Variants in SYT11 observed in about 807,000 individuals in gnomAD.
SYT11 encodes the protein synaptotagmin 11.
SYT11 carries 12 observed loss-of-function variants against 30.4 expected under a neutral mutation model. That is an observed-to-expected ratio of 0.39 (90% CI 0.25 to 0.64). The LOEUF is 0.64. SYT11 is among the 30% of genes least tolerant of loss of function. SYT11 has a pLI of 0.45. For missense variants in SYT11, 412 were observed against 552.0 expected (o/e 0.75, Z 2.54); for synonymous variants, 204 against 216.0 (o/e 0.94, Z 0.49).
In SYT11 at chr1:155,868,317, G is replaced by A. The variant is rs1483184265; in HGVS notation, c.387G>A (p.Gly129=). 1 of 1,614,038 alleles carries A rather than the reference G, an allele frequency of 6.2e-7. No homozygotes were observed. The highest frequency in any genetic ancestry group is 1.7e-5 in the Admixed American group (1 of 60,012). The part of the protein sequence containing the change: ...IDQLPIKMDY[G]EELRSPITSL... ...AATTACCCATCAAAATGGACTATGG[G>A]GAAGAACTAAGGAGCCCTATTACAA... Residue 129 remains glycine (G), a synonymous_variant, in exon 2 of 4, where the codon GGG becomes GGA. Coordinates refer to ENST00000368324, the MANE Select transcript of SYT11 (RefSeq NM_152280.5). This position sits in a 1 kb window ranked among gnomAD's most constrained non-coding sequence, Gnocchi z 4.7.
chr1:155,878,637 G>GTA (rs1672908430), intron 2 of SYT11, among the ~76,000 whole-genome samples: 1 of 151,222 alleles, frequency 6.6e-6, no homozygotes, highest in African/African-American at 2.4e-5. Context: ...AGGCCGAGAC[G>GTA]GGCGGATCAT....
At chr1:155,876,331 C>T (rs908126160) in intron 2 of SYT11, among the ~76,000 whole-genome samples, 1 of 147,396 alleles carries the variant, frequency 6.8e-6, no homozygotes, top group African/African-American at 2.5e-5. Context: ...ATGCAAGCTC[C>T]GCCTCCCAGG....
Position 155,868,329 on chromosome 1 carries a change from G to C in SYT11, c.399G>C (p.Arg133Ser). Residue 133 changes from arginine to serine, a missense_variant, in exon 2 of 4, where the codon AGG becomes AGC. Arg to Ser is a moderately radical substitution (Grantham distance 110, BLOSUM62 -1). Transcript: ENST00000368324. The surrounding 1 kb of genome is among the most constrained non-coding windows in gnomAD (Gnocchi z 4.7). ...PIKMDYGEEL[R>S]SPITSLTPGE... ...AAATGGACTATGGGGAAGAACTAAG[G>C]AGCCCTATTACAAGCCTGACCCCTG... The C allele has an allele frequency of 6.2e-7, 1 of 1,613,956 alleles. No individual in the cohort carries two copies. Among genetic ancestry groups the C allele is most frequent in the Non-Finnish European group, 8.5e-7 (1 of 1,179,958 alleles).
Position 155,866,390 on chromosome 1 carries a change from A to G in SYT11, c.35-1575A>G, listed in dbSNP as rs565129212. ...CCTCAGCCTCCCAAAGTGCTGGGATAACAGGCGTGAGCCGCCACACCCGGC... is the reference window on the plus strand; with the variant it reads ...CCTCAGCCTCCCAAAGTGCTGGGATGACAGGCGTGAGCCGCCACACCCGGC... On this transcript the variant is annotated intron_variant, in intron 1 of 3. Transcript: ENST00000368324. 1.2e-4 allele frequency among the ~76,000 whole-genome samples: 18 copies of G among 152,222 alleles called. No individual in the cohort carries two copies. The South Asian group carries it at 3.7e-3, about 32-fold the overall frequency.
At chr1:155,871,039 G>GA (rs1672774581) in intron 2 of SYT11, among the ~76,000 whole-genome samples, 1 of 152,228 alleles carries the variant, frequency 6.6e-6, no homozygotes, top group Admixed American at 6.5e-5. Flanking sequence ...TCCTTGGCTA[G>GA]AAAATCACTC....
At chr1:155,867,702 C>T (rs1672703159) in intron 1 of SYT11, among the ~76,000 whole-genome samples, 1 of 152,126 alleles carries the variant, frequency 6.6e-6, no homozygotes, top group Non-Finnish European at 1.5e-5. Context: ...GAGAGAAGGT[C>T]TAGGAAAGAA....
chr1:155,877,134 AT>A (rs1407096034), intron 2 of SYT11, among the ~76,000 whole-genome samples: 1 of 151,538 alleles, frequency 6.6e-6, no homozygotes, highest in East Asian at 1.9e-4. Context: ...TGCTTGGCTA[AT>A]TTTTTTGTAT....
At chr1:155,874,326 AT>A (rs55741911) in intron 2 of SYT11, among the ~76,000 whole-genome samples, 81,930 of 151,838 alleles carry the variant, frequency 0.54, 24,210 homozygotes, top group Non-Finnish European at 0.67. Flanking sequence ...GGGACCAAGC[AT>A]GGTGGCTCAC....
chr1:155,876,067 A>G (rs908094973), intron 2 of SYT11, among the ~76,000 whole-genome samples: 39 of 152,206 alleles, frequency 2.6e-4, no homozygotes, highest in African/African-American at 8.9e-4. Flanking sequence ...TGTGGTGTAT[A>G]TAAGGTTGGT....
rs982800293 is a variant in SYT11 at position 155,868,682 on chromosome 1, G to T, written c.752G>T (p.Arg251Leu). 1.9e-6 allele frequency: 3 copies of T among 1,614,090 alleles called. No homozygotes were observed. The highest frequency in any genetic ancestry group is 1.7e-5 in the Admixed American group (1 of 59,998). ...VLHFLVLSFD[R>L]FSRDDVIGEV... ...CACTTCCTTGTCCTCAGCTTTGACC[G>T]CTTCTCTCGGGATGATGTCATTGGC... Residue 251 changes from arginine to leucine, a missense_variant, in exon 2 of 4, where the codon CGC becomes CTC. By Grantham distance (102) the Arg-to-Leu change is moderately radical. Transcript: ENST00000368324. This position sits in a 1 kb window ranked among gnomAD's most constrained non-coding sequence, Gnocchi z 4.7.
rs1199793046 is a variant in SYT11 at position 155,868,807 on chromosome 1, G to T, written c.861+16G>T. ...GAATATCCAGGTGAGTAGGAAGTGT[G>T]TGTTGGGGAGCAATGGTAGGTTGGG... On this transcript the variant is annotated intron_variant, in intron 2 of 3. Transcript: ENST00000368324. The surrounding 1 kb of genome is among the most constrained non-coding windows in gnomAD (Gnocchi z 4.7). The T allele has an allele frequency of 6.3e-7, 1 of 1,598,510 alleles. No individual in the cohort carries two copies. Among genetic ancestry groups the T allele is most frequent in the Admixed American group, 1.7e-5 (1 of 59,146 alleles).
Position 155,862,743 on chromosome 1 carries a change from C to CA in SYT11, c.34+2954dup, listed in dbSNP as rs1672613480. Among the ~76,000 whole-genome samples, 7 of 152,280 alleles carry CA rather than the reference C, an allele frequency of 4.6e-5. 1 individual carries two copies. In the South Asian group the frequency reaches 1.5e-3, roughly 32 times the overall value. On this transcript the variant is annotated intron_variant, in intron 1 of 3. Coordinates refer to ENST00000368324, the MANE Select transcript of SYT11 (RefSeq NM_152280.5). Reference sequence around the variant, plus strand: ...TTCAGATCTCTCTTTATGATCATTCCAAAAAATATGCCTGTCTTGGTAGTT... The same window carrying CA: ...TTCAGATCTCTCTTTATGATCATTCCAAAAAAATATGCCTGTCTTGGTAGTT...
chr1:155,881,031 A>G (rs187974322), intron 3 of SYT11, among the ~76,000 whole-genome samples, 167 bp from the exon 4 acceptor site: 6 of 152,242 alleles, frequency 3.9e-5, no homozygotes, highest in Admixed American at 1.3e-4. Flanking sequence ...GCAGACTCAC[A>G]TATAGTCAGT....
At chr1:155,877,335 C>T (rs976127925) in intron 2 of SYT11, among the ~76,000 whole-genome samples, 8 of 151,668 alleles carry the variant, frequency 5.3e-5, no homozygotes, top group Admixed American at 6.6e-5. Context: ...AACTCCTGAC[C>T]TCAGGTGATC....
At chr1:155,871,370 A>C (rs909982099) in intron 2 of SYT11, among the ~76,000 whole-genome samples, 10 of 152,210 alleles carry the variant, frequency 6.6e-5, no homozygotes, top group Non-Finnish European at 1.0e-4. Flanking sequence ...CCTCTCCTTG[A>C]AGGAGGAGCC....
intron 2 of SYT11, among the ~76,000 whole-genome samples, chr1:155,875,681 C>T (rs770786588): frequency 3.3e-5 from 5 of 152,140 alleles, no homozygotes; most frequent in Non-Finnish European, 7.4e-5. Flanking sequence ...GCATTACAGG[C>T]GTGAGCCACC....
rs755453226 is a variant in SYT11 at position 155,868,631 on chromosome 1, A to G, written c.701A>G (p.Tyr234Cys). The G allele has an allele frequency of 6.2e-7, 1 of 1,614,198 alleles. No homozygotes were observed. Among genetic ancestry groups the G allele is most frequent in the South Asian group, 1.1e-5 (1 of 91,086 alleles). Residue 234 changes from tyrosine (Y) to cysteine (C), a missense_variant, in exon 2 of 4, where the codon TAC becomes TGC. Transcript: ENST00000368324. The surrounding 1 kb of genome is among the most constrained non-coding windows in gnomAD (Gnocchi z 4.7). ...ACCTTCACCTTCTATGGCATCCCCTACAGCCAGCTGCAGGACCTGGTGCTG... is the reference window on the plus strand; with the variant it reads ...ACCTTCACCTTCTATGGCATCCCCTGCAGCCAGCTGCAGGACCTGGTGCTG... ...DETFTFYGIPYSQLQDLVLHF... is the reference protein window; with the variant it reads ...DETFTFYGIPCSQLQDLVLHF...
At chr1:155,861,959 T>A (rs1199003478) in intron 1 of SYT11, among the ~76,000 whole-genome samples, 1 of 152,208 alleles carries the variant, frequency 6.6e-6, no homozygotes. Flanking sequence ...AGCCAAAATT[T>A]ATTCTCATTC....
intron 1 of SYT11, among the ~76,000 whole-genome samples, chr1:155,866,231 G>A (rs1672673421): frequency 6.7e-6 from 1 of 150,250 alleles, no homozygotes; most frequent in African/African-American, 2.4e-5. Flanking sequence ...TCCTGCCTCA[G>A]CCTCCTGAGT....
Sources: gnomAD v4.1 joint callset for allele counts (sites outside exome capture counted in the v4.1 genomes callset) on GRCh38, gnomAD v4.1.1 for gene constraint, Gnocchi (gnomAD v3.1) non-coding constraint, MANE v1.5 for transcripts, NCBI Gene and HGNC (gene_info 2026-07-23, HGNC 2026-07-21) for gene names.